The following VAC14 variants were observed in gnomAD, a reference collection of about 807,000 sequenced individuals.
VAC14 encodes the protein VAC14 component of PIKFYVE complex.
Under a neutral mutation model 85.3 loss-of-function variants are expected in VAC14, and 47 were observed. The observed-to-expected ratio is 0.55, with a 90% CI of 0.44 to 0.70. The LOEUF is 0.70. Ranked by LOEUF, VAC14 falls within the 30% of genes least tolerant of loss-of-function variation. VAC14 has a pLI of 0.00. For missense variants in VAC14, 861 were observed against 1,004.3 expected (o/e 0.86, Z 1.93); for synonymous variants, 447 against 430.5 (o/e 1.04, Z -0.47).
At chr16:70,738,379 A>G (rs929045938) in intron 13 of VAC14, among the ~76,000 whole-genome samples, 4 of 152,204 alleles carry the variant, frequency 2.6e-5, no homozygotes, top group East Asian at 1.9e-4. Flanking sequence ...GGAGGCATCA[A>G]TCATAGCCAG....
chr16:70,692,773 C>T, intron 18 of VAC14, 48 bp downstream of exon 18: 1 of 1,569,064 alleles, frequency 6.4e-7, no homozygotes, highest in Non-Finnish European at 8.6e-7. Context: ...TCCTCTGGGC[C>T]TGTCCCTGCT....
At chr16:70,787,531 A>G (rs1315688187) in intron 1 of VAC14, among the ~76,000 whole-genome samples, 1 of 152,120 alleles carries the variant, frequency 6.6e-6, no homozygotes, top group Non-Finnish European at 1.5e-5. Flanking sequence ...TGGCTCCACA[A>G]CAGACTAGTC....
In VAC14 at chr16:70,691,151, C is replaced by T. The variant is rs143897528; in HGVS notation, c.2186+1670G>A. The T allele has an allele frequency of 1.7e-5, 17 of 985,560 alleles. No individual in the cohort carries two copies. In the East Asian group the frequency reaches 1.9e-3, roughly 112 times the overall value. The allele number at this position is 985,560 out of a possible 1,614,324, so 61.1% of individuals were successfully genotyped here. ...AAAGCCTCATTTTCCCAGCTTCCCT[C>T]TGCAAACTTGTTCTACCCTGGTTTG... On this transcript the variant is annotated intron_variant, in intron 18 of 18. Coordinates refer to ENST00000261776, the MANE Select transcript of VAC14 (RefSeq NM_018052.5).
At chr16:70,734,795 CA>C (rs11354461) in intron 13 of VAC14, among the ~76,000 whole-genome samples, 25,029 of 140,056 alleles carry the variant, frequency 0.18, 3,566 homozygotes, top group African/African-American at 0.41. Context: ...AACAAAGAAA[CA>C]AAAAAAAAAA....
At chr16:70,768,794 G>C in intron 10 of VAC14, 1 of 453,590 alleles carries the variant, frequency 2.2e-6, no homozygotes, top group Non-Finnish European at 4.4e-6. Context: ...AATTTCATGT[G>C]GATGTGCATT....
intron 9 of VAC14, among the ~76,000 whole-genome samples, chr16:70,775,836 C>T (rs966195582): frequency 6.6e-6 from 1 of 152,218 alleles, no homozygotes; most frequent in Non-Finnish European, 1.5e-5. Context: ...TCCAGATTTT[C>T]ACTCTTACAT....
intron 1 of VAC14, among the ~76,000 whole-genome samples, chr16:70,789,820 T>C (rs1259140342): frequency 6.6e-6 from 1 of 152,172 alleles, no homozygotes; most frequent in Non-Finnish European, 1.5e-5. Flanking sequence ...TCCCCACGCC[T>C]GCCCAGGAAG....
At chr16:70,741,803 T>C (rs1406867308) in intron 13 of VAC14, among the ~76,000 whole-genome samples, 1 of 152,240 alleles carries the variant, frequency 6.6e-6, no homozygotes, top group East Asian at 1.9e-4. Flanking sequence ...GAGTCTCTAC[T>C]GCCATAGCCT....
chr16:70,784,076 C>T (rs1174171532), intron 5 of VAC14, 37 bp downstream of exon 5: 3 of 1,584,774 alleles, frequency 1.9e-6, no homozygotes, highest in African/African-American at 2.7e-5. Flanking sequence ...ATTTTCCAAA[C>T]TGGAGGCTGG....
chr16:70,687,804 C>G lies in VAC14; in HGVS notation c.*124G>C. The G allele has an allele frequency of 8.9e-7, 1 of 1,119,174 alleles. No individual in the cohort carries two copies. The highest frequency in any genetic ancestry group is 1.2e-6 in the Non-Finnish European group (1 of 865,454). 69.3% of individuals were successfully genotyped at this position (1,119,174 alleles called of 1,614,324 possible). A position where few individuals can be genotyped will look rare whatever the true frequency, so the allele number is the denominator to read the frequency against. On this transcript the variant is annotated 3_prime_UTR_variant, in exon 19 of 19. Transcript: ENST00000261776. Reference sequence around the variant, plus strand: ...GACACAGCAGCCTCCGGCCCCAACACTGCCCTGGGTTGGCAGGCCCAGCCC... The same window carrying G: ...GACACAGCAGCCTCCGGCCCCAACAGTGCCCTGGGTTGGCAGGCCCAGCCC...
chr16:70,691,782 C>T (rs570491730), intron 18 of VAC14: 17 of 985,384 alleles, frequency 1.7e-5, no homozygotes, highest in South Asian at 9.4e-5. Flanking sequence ...CTCAGCCATC[C>T]GAGGGCCAGT....
chr16:70,711,503 C>T (rs996851729), intron 14 of VAC14, among the ~76,000 whole-genome samples: 1 of 152,004 alleles, frequency 6.6e-6, no homozygotes, highest in African/African-American at 2.4e-5. Context: ...CTTCACGGTC[C>T]CGAGCCTGCT....
chr16:70,772,240 T>C, intron 9 of VAC14, 68 bp from the exon 10 acceptor site: 1 of 1,360,888 alleles, frequency 7.3e-7, no homozygotes, highest in Non-Finnish European at 1.1e-6. Context: ...AAGACCCCTG[T>C]GACAAGCACA....
rs777717836 is a variant in VAC14, at chr16:70,744,514, G to A, written c.1437C>T (p.Asp479=). 9 of 1,613,582 alleles carry A rather than the reference G, an allele frequency of 5.6e-6. No homozygotes were observed. Among genetic ancestry groups the A allele is most frequent in the Non-Finnish European group, 7.6e-6 (9 of 1,179,902 alleles). Residue 479 remains aspartate, a synonymous_variant, in exon 13 of 19, where the codon GAC becomes GAT. Coordinates refer to ENST00000261776, the MANE Select transcript of VAC14 (RefSeq NM_018052.5). ...IASSPAGQTD[D]PGPLDGPDLQ... is the part of the protein sequence containing the mutation. ...GGTCAGGGCCATCGAGGGGGCCTGG[G>A]TCATCCGTCTGGCCTGCGGGGGAGG...
At chr16:70,691,052 C>G (rs2053586293) in intron 18 of VAC14, 2 of 985,382 alleles carry the variant, frequency 2.0e-6, no homozygotes, top group Non-Finnish European at 1.2e-6. Flanking sequence ...TCCACTGACC[C>G]TCAGAATCTT....
intron 12 of VAC14, among the ~76,000 whole-genome samples, chr16:70,754,199 G>A (rs1006632282): frequency 2.6e-5 from 4 of 152,194 alleles, no homozygotes; most frequent in Non-Finnish European, 2.9e-5. Context: ...GGGTCCCCCT[G>A]TGCTCTGGGG....
chr16:70,718,255 C>T (rs2054209075), intron 14 of VAC14, among the ~76,000 whole-genome samples: 1 of 152,172 alleles, frequency 6.6e-6, no homozygotes, highest in Non-Finnish European at 1.5e-5. Flanking sequence ...GTGATGATCC[C>T]CGTCTGCATT....
At chr16:70,739,270 C>T (rs547793128) in intron 13 of VAC14, among the ~76,000 whole-genome samples, 2 of 152,308 alleles carry the variant, frequency 1.3e-5, no homozygotes, top group South Asian at 4.1e-4. Flanking sequence ...CTCGTGATCC[C>T]TACTGCTGCT....
chr16:70,763,082 T>C (rs995507594), intron 10 of VAC14, 57 bp from the exon 11 acceptor site: 4 of 1,608,386 alleles, frequency 2.5e-6, no homozygotes, highest in African/African-American at 2.7e-5. Flanking sequence ...CCCTCTCCCA[T>C]GGAGTCATGG....
Sources: gnomAD v4.1 joint callset for allele counts (sites outside exome capture counted in the v4.1 genomes callset) on GRCh38, gnomAD v4.1.1 for gene constraint, MANE v1.5 for transcripts, NCBI Gene and HGNC (gene_info 2026-07-23, HGNC 2026-07-21) for gene names.